The following SSTR3 variants were observed in gnomAD, a reference collection of about 807,000 sequenced individuals.
SSTR3 encodes somatostatin receptor type 3.
For synonymous variants in SSTR3, 281 were observed against 269.2 expected, an observed-to-expected ratio of 1.04 and a Z score of -0.43; for missense variants, 504 against 604.7, an observed-to-expected ratio of 0.83 and a Z score of 1.75.
chr22:37,219,385 A>G, the SSTR3 span, among the ~76,000 whole-genome samples: 36,594 of 150,712 alleles, frequency 0.24, 5,824 homozygotes, highest in African/African-American at 0.45. Context: ...TGTGAAGCAC[A>G]TAGTTAATAG....
In SSTR3 at chr22:37,212,211, G is replaced by A. The variant is rs1601658467; in HGVS notation, c.-423C>T. On this transcript the variant is annotated 5_prime_UTR_variant, in exon 1 of 2. Transcript: ENST00000610913. Reference sequence around the variant, plus strand: ...AGGGGGTCGGGAGGAGGTGGAGAAAGAGAGAGAGAGAGAAAGAGGGAGGGG... The same window carrying A: ...AGGGGGTCGGGAGGAGGTGGAGAAAAAGAGAGAGAGAGAAAGAGGGAGGGG... 1 of 354,020 alleles carries A rather than the reference G, an allele frequency of 2.8e-6. No homozygotes were observed. Among genetic ancestry groups the A allele is most frequent in the Non-Finnish European group, 3.7e-6 (1 of 268,184 alleles). The allele number at this position is 354,020 out of a possible 1,614,324, so 21.9% of individuals were successfully genotyped here.
At chr22:37,217,387 A>G (rs1399381555), upstream of SSTR3, among the ~76,000 whole-genome samples, 1 of 152,210 alleles carries the variant, frequency 6.6e-6, no homozygotes, top group African/African-American at 2.4e-5. Context: ...TGAAAATTTT[A>G]TAACAAGATT....
intron 1 of SSTR3, among the ~76,000 whole-genome samples, chr22:37,208,392 T>G (rs1036003689): frequency 2.0e-5 from 3 of 152,188 alleles, no homozygotes; most frequent in Non-Finnish European, 2.9e-5. Context: ...ACCACAGGCT[T>G]GGGGTGTCCC....
rs1416822538 is a variant in SSTR3, at chr22:37,212,110, G to T, written c.-322C>A. Reference sequence around the variant, plus strand: ...TCCTGGGGGGGCAGGGGCAAGGATAGGGGGGAGAAGCTTCCCAGGGTGAGG... The same window carrying T: ...TCCTGGGGGGGCAGGGGCAAGGATATGGGGGAGAAGCTTCCCAGGGTGAGG... On this transcript the variant is annotated 5_prime_UTR_variant, in exon 1 of 2. Coordinates refer to ENST00000610913, the MANE Select transcript of SSTR3 (RefSeq NM_001051.5). 47 of 984,954 alleles carry T rather than the reference G, an allele frequency of 4.8e-5. No individual in the cohort carries two copies. Among genetic ancestry groups the T allele is most frequent in the Non-Finnish European group, 4.9e-5 (41 of 830,054 alleles). The allele number at this position is 984,954 out of a possible 1,614,324, so 61.0% of individuals were successfully genotyped here.
chr22:37,216,138 C>T (rs995044408), upstream of SSTR3, among the ~76,000 whole-genome samples: 5 of 152,168 alleles, frequency 3.3e-5, no homozygotes, highest in African/African-American at 1.2e-4. Context: ...AAGTGGACTA[C>T]TGTAGCGCTG....
chr22:37,208,077 G>A (rs529644001), intron 1 of SSTR3, among the ~76,000 whole-genome samples: 1 of 152,284 alleles, frequency 6.6e-6, no homozygotes, highest in South Asian at 2.1e-4. Context: ...GAGGTGAGGT[G>A]ATCATTCTCC....
intron 1 of SSTR3, among the ~76,000 whole-genome samples, chr22:37,209,321 C>T (rs1455835686): frequency 2.0e-5 from 3 of 152,222 alleles, no homozygotes; most frequent in Non-Finnish European, 4.4e-5. Flanking sequence ...GAGTGCCAGG[C>T]TGGGTGAAGC....
At chr22:37,214,414 C>A (rs150439080), upstream of SSTR3, among the ~76,000 whole-genome samples, 30 of 152,314 alleles carry the variant, frequency 2.0e-4, 1 homozygote, top group East Asian at 5.6e-3. Context: ...ATGAACAGAT[C>A]TTTTAATCCT....
At chr22:37,210,669 G>C (rs1051954821) in intron 1 of SSTR3, 2 of 985,364 alleles carry the variant, frequency 2.0e-6, no homozygotes, top group Non-Finnish European at 2.4e-6. Context: ...CCTGAAAGCT[G>C]GGGGCGGACT....
At chr22:37,209,925 G>T (rs561406612) in intron 1 of SSTR3, among the ~76,000 whole-genome samples, 18 of 152,338 alleles carry the variant, frequency 1.2e-4, no homozygotes, top group Admixed American at 1.2e-3. Context: ...TGAATTCTTA[G>T]AACAGGCAGA....
rs1926242561 is a variant in SSTR3 at position 37,212,320 on chromosome 22, GGAGAAGAC to G, written c.-540_-533del. On this transcript the variant is annotated 5_prime_UTR_variant, in exon 1 of 2. It introduces an in-frame stop codon into an upstream open reading frame of the 5' UTR. Coordinates refer to ENST00000610913, the MANE Select transcript of SSTR3 (RefSeq NM_001051.5). Reference sequence around the variant, plus strand: ...GGGAGTGATGAGAGATGCGTGACAGGGAGAAGACGAGAAGGAAAGAGAGGAGAGGAGAC... The same window carrying G: ...GGGAGTGATGAGAGATGCGTGACAGGGAGAAGGAAAGAGAGGAGAGGAGAC... 5.9e-6 allele frequency: 1 copy of G among 168,602 alleles called. No homozygotes were observed. Among genetic ancestry groups the G allele is most frequent in the Non-Finnish European group, 1.2e-5 (1 of 83,546 alleles). The allele number at this position is 168,602 out of a possible 1,614,324, so 10.4% of individuals were successfully genotyped here. A position where few individuals can be genotyped will look rare whatever the true frequency, so the allele number is the denominator to read the frequency against.
Position 37,207,150 on chromosome 22 carries a change from C to A in SSTR3, c.654G>T (p.Pro218=), listed in dbSNP as rs202190379. 5.0e-6 allele frequency: 8 copies of A among 1,612,550 alleles called. No homozygotes were observed. The South Asian group carries it at 7.7e-5, about 15-fold the overall frequency. The change falls in exon 2 of 2, where the codon CCG becomes CCT. Residue 218 remains proline, a synonymous_variant. Transcript: ENST00000610913. ...GGTAGCAGAGGCAGATGACCAGCAG[C>A]GGCCCGAAGAAGCCCAGTGCGGCCG... is the stretch of plus-strand genomic sequence containing the variant. The part of the protein sequence containing the change: ...IYTAALGFFG[P]LLVICLCYLL...
Position 37,207,222 on chromosome 22 carries a change from C to T in SSTR3, c.582G>A (p.Gln194=), listed in dbSNP as rs775253065. ...VPRGMSTCHM[Q]WPEPAAAWRA... ...GCCAGGCCGCCGCCGGCTCGGGCCA[C>T]TGCATGTGGCAGGTGCTCATGCCGC... The change falls in exon 2 of 2, where the codon CAG becomes CAA. Residue 194 remains glutamine, a synonymous_variant. Coordinates refer to ENST00000610913, the MANE Select transcript of SSTR3 (RefSeq NM_001051.5). The T allele has an allele frequency of 5.6e-6, 9 of 1,609,544 alleles. No homozygotes were observed. In the Admixed American group the frequency reaches 1.0e-4, roughly 18 times the overall value.
upstream of SSTR3, among the ~76,000 whole-genome samples, chr22:37,217,182 C>G (rs185892584): frequency 5.3e-5 from 8 of 152,306 alleles, no homozygotes; most frequent in East Asian, 1.5e-3. Context: ...ATTCCCCTCT[C>G]ACACATGTTG....
Position 37,212,232 on chromosome 22 carries a change from AG to A in SSTR3, c.-445del. The A allele has an allele frequency of 1.5e-6, 1 of 666,794 alleles. No homozygotes were observed. Among genetic ancestry groups the A allele is most frequent in the Non-Finnish European group, 1.8e-6 (1 of 541,932 alleles). The allele number at this position is 666,794 out of a possible 1,614,324, so 41.3% of individuals were successfully genotyped here. ...GAAAGAGAGAGAGAGAGAAAGAGGGAGGGGGAGAGAGAGAGAGGGAGAGGGA... is the reference window on the plus strand; with the variant it reads ...GAAAGAGAGAGAGAGAGAAAGAGGGAGGGGAGAGAGAGAGAGGGAGAGGGA... On this transcript the variant is annotated 5_prime_UTR_variant, in exon 1 of 2. An upstream open reading frame in the 5' UTR gains an earlier in-frame stop. Coordinates refer to ENST00000610913, the MANE Select transcript of SSTR3 (RefSeq NM_001051.5).
the SSTR3 span, among the ~76,000 whole-genome samples, chr22:37,218,042 T>C: frequency 6.6e-6 from 1 of 152,256 alleles, no homozygotes; most frequent in Admixed American, 6.5e-5. Flanking sequence ...TGCTATGGCA[T>C]TCTGTACTCA....
At chr22:37,219,705 A>T in the SSTR3 span, among the ~76,000 whole-genome samples, 1 of 152,214 alleles carries the variant, frequency 6.6e-6, no homozygotes, top group Non-Finnish European at 1.5e-5. Context: ...AAACCACCCC[A>T]AAATGTAGTG....
At chr22:37,220,360 T>A in the SSTR3 span, among the ~76,000 whole-genome samples, 1 of 152,138 alleles carries the variant, frequency 6.6e-6, no homozygotes, top group African/African-American at 2.4e-5. Context: ...ACCCCCAGCC[T>A]GGCCAACATG....
upstream of SSTR3, among the ~76,000 whole-genome samples, chr22:37,213,886 C>T (rs1371895255): frequency 6.6e-6 from 1 of 152,220 alleles, no homozygotes; most frequent in African/African-American, 2.4e-5. Flanking sequence ...GCGTACCCAG[C>T]CTCATGTATT....
Sources: allele counts gnomAD v4.1 joint callset (sites outside exome capture counted in the v4.1 genomes callset), GRCh38; gene constraint gnomAD v4.1.1; transcripts MANE v1.5; gene names NCBI Gene and HGNC (gene_info 2026-07-23, HGNC 2026-07-21).